Variants in PGM2 observed in about 807,000 individuals in gnomAD.
PGM2 encodes phosphoglucomutase 2.
Under a neutral mutation model 74.6 loss-of-function variants are expected in PGM2, and 57 were observed. That is an observed-to-expected ratio of 0.76 (90% CI 0.62 to 0.95). PGM2 has a LOEUF of 0.95. PGM2 is among the 40% of genes least tolerant of loss of function. The pLI, the probability that PGM2 is intolerant of heterozygous loss-of-function variation, is 0.00. For missense variants in PGM2, 706 were observed against 741.9 expected (o/e 0.95, Z 0.56); for synonymous variants, 273 against 260.7 (o/e 1.05, Z -0.46).
At chr4:37,857,543 C>T (rs1711568339) in intron 13 of PGM2, among the ~76,000 whole-genome samples, 1 of 152,182 alleles carries the variant, frequency 6.6e-6, no homozygotes, top group Non-Finnish European at 1.5e-5. Context: ...TTAGAAAGCT[C>T]ACCACTCCAT....
At chr4:37,848,186 T>C (rs1725930259) in intron 10 of PGM2, among the ~76,000 whole-genome samples, 1 of 152,206 alleles carries the variant, frequency 6.6e-6, no homozygotes, top group Non-Finnish European at 1.5e-5. Context: ...AAATGAATAA[T>C]GTAACTAACA....
rs1274705043 is a variant in PGM2, at chr4:37,840,014, G to A, written c.526-52G>A. Reference sequence around the variant, plus strand: ...ATTTTTGGGACCATAGGTAATAGGTGCCTTATTTCCATTAACTGTAAACCT... The same window carrying A: ...ATTTTTGGGACCATAGGTAATAGGTACCTTATTTCCATTAACTGTAAACCT... On this transcript the variant is annotated intron_variant, in intron 5 of 13. Coordinates refer to ENST00000381967, the MANE Select transcript of PGM2 (RefSeq NM_018290.4). 4 of 1,527,940 alleles carry A rather than the reference G, an allele frequency of 2.6e-6. No individual in the cohort carries two copies. The African/African-American group carries it at 5.5e-5, about 21-fold the overall frequency. 94.6% of individuals were successfully genotyped at this position (1,527,940 alleles called of 1,614,324 possible). A position where few individuals can be genotyped will look rare whatever the true frequency, so the allele number is the denominator to read the frequency against.
At chr4:37,855,356 A>G (rs536368139) in intron 12 of PGM2, among the ~76,000 whole-genome samples, 1 of 152,208 alleles carries the variant, frequency 6.6e-6, no homozygotes, top group East Asian at 1.9e-4. Context: ...GTTCTTCCAT[A>G]TTGTTGCAAA....
intron 4 of PGM2, 30 bp from the exon 5 acceptor site, chr4:37,839,818 T>G: frequency 7.7e-7 from 1 of 1,291,754 alleles, no homozygotes; most frequent in Non-Finnish European, 1.1e-6. Context: ...CGTTAAAAAC[T>G]GTTTGTTCTT....
chr4:37,839,683 G>A (rs1725654871), intron 4 of PGM2, 165 bp from the exon 5 acceptor site: 1 of 697,572 alleles, frequency 1.4e-6, no homozygotes, highest in African/African-American at 1.8e-5. Flanking sequence ...TAATTCTAAG[G>A]GTAATTGCAT....
At chr4:37,846,780 C>A in intron 8 of PGM2, 151 bp from the exon 9 acceptor site, 1 of 628,920 alleles carries the variant, frequency 1.6e-6, no homozygotes, top group Non-Finnish European at 2.7e-6. Context: ...ACATTTCTGA[C>A]CAGTTATTTA....
Position 37,845,723 on chromosome 4 carries a change from C to A in PGM2, c.1000C>A (p.Gln334Lys). The A allele has an allele frequency of 1.3e-6, 2 of 1,597,228 alleles. No homozygotes were observed. The highest frequency in any genetic ancestry group is 1.7e-6 in the Non-Finnish European group (2 of 1,164,662). Reference protein sequence around the residue: ...DADRLAVAEKQDSGEWRVFSG... With the variant: ...DADRLAVAEKKDSGEWRVFSG... Reference sequence around the variant, plus strand: ...TGATAGACTTGCTGTGGCAGAAAAGCAAGACAGGTAAAATTAATTGTGATT... The same window carrying A: ...TGATAGACTTGCTGTGGCAGAAAAGAAAGACAGGTAAAATTAATTGTGATT... The change falls in exon 8 of 14, where the codon CAA becomes AAA. Residue 334 changes from glutamine to lysine, a missense_variant. Gln to Lys is a moderately conservative substitution (Grantham distance 53). This residue lies in a region of PGM2 where 359 missense variants were observed against 371.1 expected (regional missense o/e 0.97). Coordinates refer to ENST00000381967, the MANE Select transcript of PGM2 (RefSeq NM_018290.4).
intron 13 of PGM2, among the ~76,000 whole-genome samples, chr4:37,857,921 A>C (rs1283137816): frequency 1.3e-5 from 2 of 152,132 alleles, no homozygotes; most frequent in African/African-American, 4.8e-5. Context: ...TTGCTTATTT[A>C]GTGTTTTCTT....
At chr4:37,856,264 AGTCCCAGCTACTC>A (rs1298500376) in intron 13 of PGM2, among the ~76,000 whole-genome samples, 4 of 152,214 alleles carry the variant, frequency 2.6e-5, no homozygotes, top group Non-Finnish European at 5.9e-5. Context: ...GGGCGCCTGT[AGTCCCAGCTACTC>A]GGGAGGCTGA....
intron 6 of PGM2, among the ~76,000 whole-genome samples, chr4:37,842,933 G>T (rs1466429213): frequency 6.6e-6 from 1 of 152,096 alleles, no homozygotes; most frequent in African/African-American, 2.4e-5. Context: ...AAAGTGCTAG[G>T]ATTAGAGGAG....
chr4:37,861,382 CT>C (rs1370676740), intron 13 of PGM2, 127 bp from the exon 14 acceptor site: 13 of 621,860 alleles, frequency 2.1e-5, no homozygotes, highest in Admixed American at 4.8e-5. Context: ...CTGGAGTTCT[CT>C]TTTTTTTCCT....
intron 13 of PGM2, among the ~76,000 whole-genome samples, chr4:37,859,920 G>A (rs1359879008): frequency 6.6e-6 from 1 of 152,128 alleles, no homozygotes; most frequent in Non-Finnish European, 1.5e-5. Context: ...TTTTAAAGAT[G>A]TTATGAAATA....
At chr4:37,858,555 G>A (rs1223791847) in intron 13 of PGM2, among the ~76,000 whole-genome samples, 4 of 149,378 alleles carry the variant, frequency 2.7e-5, no homozygotes, top group African/African-American at 5.0e-5. Flanking sequence ...TCATCATGTC[G>A]GTCAGGCTGG....
In PGM2 at chr4:37,854,649, C is replaced by T. The variant is rs186378523; in HGVS notation, c.1603-959C>T. Among the ~76,000 whole-genome samples the T allele has an allele frequency of 1.1e-3, 165 of 151,400 alleles. 4 individuals carry two copies. The South Asian group carries it at 0.031, about 29-fold the overall frequency. On this transcript the variant is annotated intron_variant, in intron 12 of 13. Transcript: ENST00000381967. ...CTGGTATTACAGGCATGAGCCACCG[C>T]GCCCAGCCTGGAAGCTTTATTTAAA...
At position 37,855,740 on chromosome 4, in the gene PGM2, AG is replaced by A; in HGVS notation, c.1736+1del. 1 of 1,601,838 alleles carries A rather than the reference AG, an allele frequency of 6.2e-7. No homozygotes were observed. Among genetic ancestry groups the A allele is most frequent in the Non-Finnish European group, 8.5e-7 (1 of 1,175,106 alleles). ...YAELCAPPGNSDPEQLKKELN... is the reference protein window; with the variant it reads ...YAELCAPPGNXDPEQLKKELN... ...AGAGCTGTGTGCCCCACCTGGGAAC[AG>A]GTATGATGTGGATGGCAGCTGGTGT... On this transcript the variant is annotated frameshift_variant and splice_region_variant, in exon 13 of 14. Transcript: ENST00000381967. LOFTEE classifies it high-confidence loss of function.
intron 8 of PGM2, among the ~76,000 whole-genome samples, chr4:37,846,601 A>G (rs990644837): frequency 2.0e-5 from 3 of 152,232 alleles, no homozygotes; most frequent in African/African-American, 7.2e-5. Context: ...GGATCTTGCC[A>G]GCATATTTGT....
chr4:37,833,983 A>G (rs1365545825), intron 2 of PGM2, among the ~76,000 whole-genome samples: 3 of 152,086 alleles, frequency 2.0e-5, no homozygotes, highest in Non-Finnish European at 4.4e-5. Context: ...AGGCTCTGCT[A>G]CTCGAATATC....
rs1483914288 is a variant in PGM2 at position 37,861,594 on chromosome 4, G to A, written c.1821G>A (p.Leu607=). The change falls in exon 14 of 14, where the codon CTG becomes CTA. Residue 607 remains leucine, a synonymous_variant. Transcript: ENST00000381967. ...EHFFQPQKYN[L]QPKAD is the part of the protein sequence containing the mutation. The stretch of plus-strand genomic sequence containing the variant: ...TTTTCCAGCCACAGAAGTACAATCT[G>A]CAGCCAAAAGCAGACTAAAATAGTC... The A allele has an allele frequency of 6.2e-7, 1 of 1,610,348 alleles. No individual in the cohort carries two copies. The highest frequency in any genetic ancestry group is 2.2e-5 in the East Asian group (1 of 44,826).
intron 12 of PGM2, among the ~76,000 whole-genome samples, chr4:37,854,141 C>T (rs1726125082): frequency 6.6e-6 from 1 of 152,126 alleles, no homozygotes; most frequent in Non-Finnish European, 1.5e-5. Context: ...TGTTTTCTGA[C>T]TTGTGCGATC....
Sources: gnomAD v4.1 joint callset for allele counts (sites outside exome capture counted in the v4.1 genomes callset) on GRCh38, gnomAD v4.1.1 for gene constraint, gnomAD v4.1.1 regional missense constraint, MANE v1.5 for transcripts, NCBI Gene and HGNC (gene_info 2026-07-23, HGNC 2026-07-21) for gene names.